The following LDLRAD3 variants were observed in gnomAD, a reference collection of about 807,000 sequenced individuals.
The protein encoded by LDLRAD3 is low density lipoprotein receptor class A domain containing 3.
A neutral mutation model predicts 29.4 loss-of-function variants in LDLRAD3; 20 were observed. That is an observed-to-expected ratio of 0.68 (90% CI 0.48 to 0.99). The LOEUF (loss-of-function observed/expected upper bound fraction) is 0.99. Ranked by LOEUF, LDLRAD3 falls within the 50% of genes least tolerant of loss-of-function variation. The pLI, the probability that LDLRAD3 is intolerant of heterozygous loss-of-function variation, is 0.00. For synonymous variants in LDLRAD3, 157 were observed against 192.7 expected, an observed-to-expected ratio of 0.81 and a Z score of 1.53; for missense variants, 420 against 454.3, an observed-to-expected ratio of 0.92 and a Z score of 0.69.
chr11:36,020,516 C>G (rs1356070321), intron 1 of LDLRAD3, among the ~76,000 whole-genome samples: 2 of 151,744 alleles, frequency 1.3e-5, no homozygotes, highest in African/African-American at 4.8e-5. Context: ...TTTTCTCTCT[C>G]CATTTCGATA....
At chr11:36,106,891 G>T (rs1359539716) in intron 4 of LDLRAD3, among the ~76,000 whole-genome samples, 1 of 152,048 alleles carries the variant, frequency 6.6e-6, no homozygotes, top group Non-Finnish European at 1.5e-5. Context: ...GGCCCGTGGT[G>T]TGTTGGCAGT....
chr11:36,132,025 A>G (rs1162968552), intron 4 of LDLRAD3, among the ~76,000 whole-genome samples: 1 of 151,744 alleles, frequency 6.6e-6, no homozygotes, highest in African/African-American at 2.4e-5. Flanking sequence ...AAGAGCACCA[A>G]GGAGATGTTT....
chr11:36,005,116 C>G (rs928649027), intron 1 of LDLRAD3, among the ~76,000 whole-genome samples: 1 of 152,360 alleles, frequency 6.6e-6, no homozygotes, highest in Middle Eastern at 3.4e-3. Flanking sequence ...ACTTCTGCAG[C>G]AGGGTTGAAT....
At position 36,202,101 on chromosome 11, in the gene LDLRAD3, A is replaced by G. The variant is rs150059132; in HGVS notation, c.455-24984A>G. Among the ~76,000 whole-genome samples, 801 of 149,888 alleles carry G rather than the reference A, an allele frequency of 5.3e-3. 10 individuals carry two copies. Among genetic ancestry groups the G allele is most frequent in the African/African-American group, 0.019 (765 of 40,466 alleles). On this transcript the variant is annotated intron_variant, in intron 4 of 5. Transcript: ENST00000315571. ...CTCTTCTCGCCTAGGCTGTAGTGCA[A>G]TGGCAGGATCTCAGCCCACTGCAAC...
intron 4 of LDLRAD3, among the ~76,000 whole-genome samples, chr11:36,166,987 G>A (rs1395928390): frequency 1.3e-5 from 2 of 152,182 alleles, no homozygotes; most frequent in Admixed American, 1.3e-4. Context: ...TTTGGATATA[G>A]TTTTTGCAGA....
At position 36,168,498 on chromosome 11, in the gene LDLRAD3, C is replaced by CTTT. The variant is rs5791083; in HGVS notation, c.455-58568_455-58566dup. ...ATTTTATTCCGTTTTTTTCTTTCTT[C>CTTT]TTTTTTTTTTTTTTTTTTTTTACTG... is the stretch of plus-strand genomic sequence containing the variant. On this transcript the variant is annotated intron_variant, in intron 4 of 5. Coordinates refer to ENST00000315571, the MANE Select transcript of LDLRAD3 (RefSeq NM_174902.4). 9.6e-4 allele frequency among the ~76,000 whole-genome samples: 111 copies of CTTT among 115,748 alleles called. 1 individual carries two copies. Among genetic ancestry groups the CTTT allele is most frequent in the African/African-American group, 1.8e-3 (56 of 31,030 alleles). 75.9% of individuals were successfully genotyped at this position (115,748 alleles called of 152,430 possible).
intron 4 of LDLRAD3, among the ~76,000 whole-genome samples, chr11:36,108,143 C>T (rs1282704944): frequency 1.3e-5 from 2 of 151,694 alleles, no homozygotes; most frequent in Admixed American, 6.6e-5. Flanking sequence ...AGTGAAACCC[C>T]GTCTCTACTA....
At chr11:36,053,609 C>G (rs1163557955) in intron 2 of LDLRAD3, among the ~76,000 whole-genome samples, 1 of 152,214 alleles carries the variant, frequency 6.6e-6, no homozygotes, top group Non-Finnish European at 1.5e-5. Flanking sequence ...CTGCCACTAG[C>G]AGCAGCAACA....
intron 1 of LDLRAD3, among the ~76,000 whole-genome samples, chr11:35,991,717 C>T (rs978134205): frequency 2.0e-5 from 3 of 152,222 alleles, no homozygotes; most frequent in African/African-American, 7.2e-5. Context: ...TCTTTGGTTA[C>T]ATGGCTGTTA....
At chr11:36,179,959 C>T (rs181687546) in intron 4 of LDLRAD3, among the ~76,000 whole-genome samples, 5 of 152,274 alleles carry the variant, frequency 3.3e-5, no homozygotes, top group Non-Finnish European at 5.9e-5. Flanking sequence ...CACACCACCG[C>T]ACTCTAGCCT....
intron 2 of LDLRAD3, among the ~76,000 whole-genome samples, chr11:36,080,034 A>AAAGCC (rs1853086648): frequency 1.3e-5 from 2 of 152,228 alleles, no homozygotes; most frequent in African/African-American, 4.8e-5. Flanking sequence ...TGAAACCTGG[A>AAAGCC]ACATTTCAGG....
intron 1 of LDLRAD3, among the ~76,000 whole-genome samples, chr11:35,995,268 T>C (rs1465655733): frequency 1.3e-5 from 2 of 152,248 alleles, no homozygotes; most frequent in East Asian, 3.8e-4. Flanking sequence ...TTAGCAGGCA[T>C]TAAAAATCAT....
At chr11:35,989,460 C>T (rs1007654080) in intron 1 of LDLRAD3, among the ~76,000 whole-genome samples, 9 of 152,100 alleles carry the variant, frequency 5.9e-5, no homozygotes, top group Admixed American at 2.0e-4. Flanking sequence ...AGATTGCTTT[C>T]GGCAGTATGG....
chr11:35,982,520 T>C (rs1414392611), intron 1 of LDLRAD3, among the ~76,000 whole-genome samples: 1 of 152,182 alleles, frequency 6.6e-6, no homozygotes, highest in East Asian at 1.9e-4. Flanking sequence ...GCATACTGTT[T>C]TTGGGGGACA....
intron 4 of LDLRAD3, among the ~76,000 whole-genome samples, chr11:36,218,285 C>T (rs1290598243): frequency 6.6e-6 from 1 of 152,156 alleles, no homozygotes; most frequent in Non-Finnish European, 1.5e-5. Context: ...TGGACTTTTC[C>T]CCATGCCCTT....
chr11:35,971,244 T>C (rs1013031549), intron 1 of LDLRAD3, among the ~76,000 whole-genome samples: 5 of 152,196 alleles, frequency 3.3e-5, no homozygotes, highest in Admixed American at 6.5e-5. Flanking sequence ...TTGGAAAGGA[T>C]ATTATTTCAA....
chr11:36,080,268 G>T (rs1342399950), intron 2 of LDLRAD3, among the ~76,000 whole-genome samples: 1 of 152,188 alleles, frequency 6.6e-6, no homozygotes, highest in Admixed American at 6.5e-5. Context: ...CTAATCGCAA[G>T]CCGGAGCACC....
At position 36,227,577 on chromosome 11, in the gene LDLRAD3, C is replaced by T. The variant is rs970979050; in HGVS notation, c.800+147C>T. 3 of 580,754 alleles carry T rather than the reference C, an allele frequency of 5.2e-6. No individual in the cohort carries two copies. In the African/African-American group the frequency reaches 5.7e-5, roughly 11 times the overall value. 36.0% of individuals were successfully genotyped at this position (580,754 alleles called of 1,614,324 possible). On this transcript the variant is annotated intron_variant, in intron 5 of 5. Transcript: ENST00000315571. Reference sequence around the variant, plus strand: ...GGCAGCATCTGACATTTGCCGAGTCCTCGCAAAATTCTCTACATGTATCAC... The same window carrying T: ...GGCAGCATCTGACATTTGCCGAGTCTTCGCAAAATTCTCTACATGTATCAC...
chr11:35,967,620 C>T (rs981287299), intron 1 of LDLRAD3: 1 of 460,110 alleles, frequency 2.2e-6, no homozygotes, highest in Admixed American at 2.5e-5. Context: ...GCTTCATTTT[C>T]AACTTCTGTG....
Sources: gnomAD v4.1 joint callset for allele counts (sites outside exome capture counted in the v4.1 genomes callset) on GRCh38, gnomAD v4.1.1 for gene constraint, MANE v1.5 for transcripts, NCBI Gene and HGNC (gene_info 2026-07-23, HGNC 2026-07-21) for gene names.